The following ASIC2 variants were observed in gnomAD, a reference collection of about 807,000 sequenced individuals.
ASIC2 encodes acid-sensing ion channel 2.
ASIC2 carries 25 observed loss-of-function variants against 57.3 expected under a neutral mutation model. The observed-to-expected ratio is 0.44, with a 90% CI of 0.32 to 0.61. The LOEUF (loss-of-function observed/expected upper bound fraction) is 0.61. ASIC2 is among the 20% of genes least tolerant of loss of function. The probability of loss-of-function intolerance (pLI) is 0.06; values close to 1 mark genes in which losing one functional copy is unlikely to be tolerated. For synonymous variants in ASIC2, 319 were observed against 307.5 expected, an observed-to-expected ratio of 1.04 and a Z score of -0.39; for missense variants, 641 against 738.1, an observed-to-expected ratio of 0.87 and a Z score of 1.52.
At chr17:33,435,731 T>C (rs1351965945) in intron 1 of ASIC2, among the ~76,000 whole-genome samples, 1 of 152,358 alleles carries the variant, frequency 6.6e-6, no homozygotes, top group East Asian at 1.9e-4. Context: ...CCACCATTTA[T>C]ATCTCCTAAC....
intron 1 of ASIC2, among the ~76,000 whole-genome samples, chr17:33,164,574 A>ATG (rs1555576019): frequency 1.8e-4 from 14 of 79,038 alleles, no homozygotes; most frequent in Non-Finnish European, 3.0e-4. Flanking sequence ...AAGCACATGC[A>ATG]CGCACACACA....
intron 1 of ASIC2, among the ~76,000 whole-genome samples, chr17:33,370,490 C>T (rs1898335736): frequency 6.6e-6 from 1 of 152,166 alleles, no homozygotes; most frequent in South Asian, 2.1e-4. Context: ...CTCCTGCAAG[C>T]AAAGGCTGGA....
chr17:33,050,036 A>G (rs1251197752), intron 3 of ASIC2, among the ~76,000 whole-genome samples: 1 of 152,176 alleles, frequency 6.6e-6, no homozygotes, highest in Non-Finnish European at 1.5e-5. Context: ...CCAGATGGGA[A>G]TGTTAGGAAA....
chr17:33,362,473 G>A (rs1908647947), intron 1 of ASIC2, among the ~76,000 whole-genome samples: 1 of 152,226 alleles, frequency 6.6e-6, no homozygotes, highest in Non-Finnish European at 1.5e-5. Context: ...GGTCTGCAGA[G>A]TAAGCTCTGG....
chr17:33,520,310 A>G (rs749241400), intron 1 of ASIC2, among the ~76,000 whole-genome samples: 23 of 152,256 alleles, frequency 1.5e-4, no homozygotes, highest in Non-Finnish European at 2.6e-4. Flanking sequence ...GGGAAGCATG[A>G]AAATCACTCG....
chr17:33,532,414 C>T (rs767742828), intron 1 of ASIC2, among the ~76,000 whole-genome samples: 1 of 152,196 alleles, frequency 6.6e-6, no homozygotes, highest in Non-Finnish European at 1.5e-5. Flanking sequence ...GTGTCAGCTC[C>T]TGACCTTCCT....
intron 1 of ASIC2, among the ~76,000 whole-genome samples, chr17:33,570,104 C>T (rs1294176812): frequency 1.3e-5 from 2 of 152,210 alleles, no homozygotes; most frequent in African/African-American, 4.8e-5. Flanking sequence ...TGCTCTTGCA[C>T]TAGCTGTCTC....
At chr17:33,862,998 A>T (rs1204114528) in intron 1 of ASIC2, among the ~76,000 whole-genome samples, 1 of 152,206 alleles carries the variant, frequency 6.6e-6, no homozygotes, top group East Asian at 1.9e-4. Context: ...CTTCCAGCTT[A>T]ACCCAAACTT....
intron 1 of ASIC2, among the ~76,000 whole-genome samples, chr17:34,062,984 A>G (rs1176433716): frequency 3.3e-5 from 5 of 152,174 alleles, no homozygotes; most frequent in Non-Finnish European, 7.4e-5. Flanking sequence ...ATTCCACCAG[A>G]CAGAGAAAGA....
chr17:34,015,004 A>C (rs377349291), intron 1 of ASIC2, among the ~76,000 whole-genome samples: 280 of 150,172 alleles, frequency 1.9e-3, no homozygotes, highest in African/African-American at 6.6e-3. Flanking sequence ...CCCACTTCAG[A>C]CTTCCAAGTA....
At chr17:33,557,698 C>T (rs1425590743) in intron 1 of ASIC2, among the ~76,000 whole-genome samples, 1 of 152,146 alleles carries the variant, frequency 6.6e-6, no homozygotes, top group Admixed American at 6.5e-5. Context: ...ATGATAACAC[C>T]AATGATCTCA....
chr17:33,702,922 A>G (rs1024559688), intron 1 of ASIC2, among the ~76,000 whole-genome samples: 1 of 152,194 alleles, frequency 6.6e-6, no homozygotes, highest in Admixed American at 6.5e-5. Flanking sequence ...AAGCAGAGAG[A>G]CTAAACAAAC....
At chr17:33,395,176 C>A (rs955741731) in intron 1 of ASIC2, among the ~76,000 whole-genome samples, 4 of 145,550 alleles carry the variant, frequency 2.7e-5, no homozygotes, top group African/African-American at 9.9e-5. Context: ...ATTTACCCAT[C>A]CACCCTTCCA....
At chr17:33,540,858 G>T (rs1417321916) in intron 1 of ASIC2, among the ~76,000 whole-genome samples, 1 of 152,316 alleles carries the variant, frequency 6.6e-6, no homozygotes, top group East Asian at 1.9e-4. Flanking sequence ...ATGAAGAGCT[G>T]TCCCTTCATT....
chr17:33,407,989 G>A (rs551858198), intron 1 of ASIC2, among the ~76,000 whole-genome samples: 1 of 151,830 alleles, frequency 6.6e-6, no homozygotes, highest in South Asian at 2.1e-4. Flanking sequence ...TGGTGGGGAG[G>A]CATTTGGGGC....
intron 1 of ASIC2, among the ~76,000 whole-genome samples, chr17:33,491,179 C>A (rs910949784): frequency 6.6e-6 from 1 of 152,284 alleles, no homozygotes; most frequent in East Asian, 1.9e-4. Context: ...AATTCCCACA[C>A]CCACAGGACA....
intron 1 of ASIC2, among the ~76,000 whole-genome samples, chr17:33,192,060 A>G (rs1906442674): frequency 6.6e-6 from 1 of 151,774 alleles, no homozygotes; most frequent in Admixed American, 6.6e-5. Flanking sequence ...CTCTCCCTCC[A>G]TTTTCTTCTT....
chr17:33,924,177 G>T (rs758991225), intron 1 of ASIC2, among the ~76,000 whole-genome samples: 2 of 152,208 alleles, frequency 1.3e-5, no homozygotes, highest in Non-Finnish European at 2.9e-5. Context: ...AATGGCATTT[G>T]TCACCACTGT....
At position 34,156,395 on chromosome 17, in the gene ASIC2, T is replaced by G; in HGVS notation, c.138A>C (p.Ala46=). ...GGCCCAGAGAGCCCACGAAGGCCACTGCCCACAGCACACGCCGGATGGTCA... is the reference window on the plus strand; with the variant it reads ...GGCCCAGAGAGCCCACGAAGGCCACGGCCCACAGCACACGCCGGATGGTCA... Residue 46 remains alanine, a synonymous_variant, in exon 1 of 10, where the codon GCA becomes GCC. Coordinates refer to the ASIC2 transcript ENST00000359872. The surrounding 1 kb of genome is among the most constrained non-coding windows in gnomAD (Gnocchi z 4.4). The G allele has an allele frequency of 3.1e-6, 5 of 1,614,190 alleles. No homozygotes were observed. Among genetic ancestry groups the G allele is most frequent in the Non-Finnish European group, 4.2e-6 (5 of 1,180,044 alleles).
Sources: gnomAD v4.1 joint callset for allele counts (sites outside exome capture counted in the v4.1 genomes callset) on GRCh38, gnomAD v4.1.1 for gene constraint, Gnocchi (gnomAD v3.1) non-coding constraint, MANE v1.5 for transcripts, NCBI Gene and HGNC (gene_info 2026-07-23, HGNC 2026-07-21) for gene names.